Variants in MACROD2 observed in about 807,000 individuals in gnomAD.
MACROD2 encodes mono-ADP ribosylhydrolase 2, also known as ADP-ribose glycohydrolase MACROD2.
In MACROD2, 36 loss-of-function variants were observed where a neutral mutation model predicts 70.4. The observed-to-expected ratio is 0.51, with a 90% CI of 0.39 to 0.68. MACROD2 has a LOEUF of 0.68. Ranked by LOEUF, MACROD2 falls within the 30% of genes least tolerant of loss-of-function variation. The probability of loss-of-function intolerance (pLI) is 0.00; values close to 1 mark genes in which losing one functional copy is unlikely to be tolerated. For synonymous variants in MACROD2, 172 were observed against 178.8 expected (o/e 0.96, Z 0.30); for missense variants, 496 against 538.4 (o/e 0.92, Z 0.78).
chr20:14,664,426 A>G (rs2070714507), intron 4 of MACROD2, among the ~76,000 whole-genome samples: 1 of 152,186 alleles, frequency 6.6e-6, no homozygotes, highest in South Asian at 2.1e-4. Flanking sequence ...TTTGAAAGAG[A>G]AAGTCATCTT....
At chr20:15,416,954 T>C (rs2046160808) in intron 6 of MACROD2, among the ~76,000 whole-genome samples, 1 of 151,978 alleles carries the variant, frequency 6.6e-6, no homozygotes, top group African/African-American at 2.4e-5. Context: ...TCTTCATTTA[T>C]GTAATGATTT....
rs575596059 is a variant in MACROD2, at chr20:15,091,859, T to C, written c.419-138081T>C. Among the ~76,000 whole-genome samples, 4 of 152,328 alleles carry C rather than the reference T, an allele frequency of 2.6e-5. No individual in the cohort carries two copies. The East Asian group carries it at 7.7e-4, about 29-fold the overall frequency. On this transcript the variant is annotated intron_variant, in intron 5 of 17. Transcript: ENST00000684519. ...TATCTGGCAATGCATTATTCACTAG[T>C]ACTATACACAGTGCTTTATTAAGTC...
At chr20:14,279,643 G>A (rs1341535057) in intron 3 of MACROD2, among the ~76,000 whole-genome samples, 2 of 152,142 alleles carry the variant, frequency 1.3e-5, no homozygotes, top group East Asian at 3.9e-4. Context: ...AAGAGACAGG[G>A]GCAGGATTTG....
chr20:15,405,774 G>A (rs1287604185), intron 6 of MACROD2, among the ~76,000 whole-genome samples: 1 of 152,114 alleles, frequency 6.6e-6, no homozygotes, highest in Non-Finnish European at 1.5e-5. Flanking sequence ...CCATTCTCTT[G>A]CTCTCTTGAA....
chr20:14,559,377 T>G (rs2123286277), intron 4 of MACROD2, among the ~76,000 whole-genome samples: 1 of 151,854 alleles, frequency 6.6e-6, no homozygotes, highest in South Asian at 2.1e-4. Context: ...ATCTAGCAGT[T>G]TTAATACCTT....
chr20:15,355,569 G>A (rs2078277122), intron 6 of MACROD2, among the ~76,000 whole-genome samples: 1 of 152,114 alleles, frequency 6.6e-6, no homozygotes, highest in Non-Finnish European at 1.5e-5. Context: ...TAAATAATTG[G>A]CCACATGATT....
chr20:14,525,002 AT>A (rs1369928283), intron 4 of MACROD2, among the ~76,000 whole-genome samples: 1 of 152,056 alleles, frequency 6.6e-6, no homozygotes, highest in Non-Finnish European at 1.5e-5. Flanking sequence ...CCATTTTCTT[AT>A]CTTTATGTTG....
chr20:14,071,447 A>T (rs1271931353), intron 2 of MACROD2, among the ~76,000 whole-genome samples: 1 of 151,490 alleles, frequency 6.6e-6, no homozygotes, highest in East Asian at 2.0e-4. Flanking sequence ...TTTTTAGTAG[A>T]GACAGGGTTT....
chr20:15,950,997 A>G (rs933980525), intron 12 of MACROD2, among the ~76,000 whole-genome samples: 1 of 152,132 alleles, frequency 6.6e-6, no homozygotes, highest in African/African-American at 2.4e-5. Flanking sequence ...TTGGGAAACC[A>G]TTCCACATCC....
intron 5 of MACROD2, among the ~76,000 whole-genome samples, chr20:15,009,019 C>T (rs1466158663): frequency 2.0e-5 from 3 of 151,992 alleles, no homozygotes; most frequent in Non-Finnish European, 2.9e-5. Context: ...AACAGGAGAA[C>T]CTGTGAGGTT....
chr20:15,375,150 T>G (rs917815159), intron 6 of MACROD2, among the ~76,000 whole-genome samples: 1 of 152,184 alleles, frequency 6.6e-6, no homozygotes, highest in Non-Finnish European at 1.5e-5. Flanking sequence ...ACCAAATTAT[T>G]TAACTCAGAA....
intron 5 of MACROD2, among the ~76,000 whole-genome samples, chr20:14,758,663 T>C (rs1290363303): frequency 6.6e-6 from 1 of 152,154 alleles, no homozygotes; most frequent in African/African-American, 2.4e-5. Flanking sequence ...AGCTAGGCTT[T>C]AGTGTGCTGC....
intron 8 of MACROD2, among the ~76,000 whole-genome samples, chr20:15,741,731 C>T (rs2051109420): frequency 6.6e-6 from 1 of 152,138 alleles, no homozygotes; most frequent in East Asian, 1.9e-4. Context: ...CACCCTCACA[C>T]ACAAGATATC....
intron 6 of MACROD2, among the ~76,000 whole-genome samples, chr20:15,345,156 G>A (rs1056889162): frequency 4.6e-5 from 7 of 152,160 alleles, no homozygotes; most frequent in Admixed American, 6.6e-5. Flanking sequence ...GATTACCGCC[G>A]AAAGGGCCCG....
intron 3 of MACROD2, among the ~76,000 whole-genome samples, chr20:14,333,042 A>G (rs1291534737): frequency 6.6e-6 from 1 of 151,938 alleles, no homozygotes; most frequent in African/African-American, 2.4e-5. Flanking sequence ...TGATCATCAG[A>G]TTTCAGGAAA....
chr20:15,777,676 A>C, intron 8 of MACROD2, among the ~76,000 whole-genome samples: 1 of 139,962 alleles, frequency 7.1e-6, no homozygotes, highest in Non-Finnish European at 1.5e-5. Context: ...ACAGAGTCTC[A>C]CTCTGTTGCC....
In MACROD2 at chr20:14,752,255, C is replaced by G. The variant is rs182529000; in HGVS notation, c.418+67296C>G. 4.9e-3 allele frequency among the ~76,000 whole-genome samples: 744 copies of G among 151,996 alleles called. 10 individuals carry two copies. The highest frequency in any genetic ancestry group is 0.017 in the African/African-American group (687 of 41,394). On this transcript the variant is annotated intron_variant, in intron 5 of 17. Transcript: ENST00000684519. ...TTTCTTCCAAGATGTTTCAAAGACA[C>G]CTCAGACTCAACTTAAGCCTAAATT...
chr20:15,624,349 C>T (rs1048592854), intron 8 of MACROD2, among the ~76,000 whole-genome samples: 3 of 152,196 alleles, frequency 2.0e-5, no homozygotes, highest in African/African-American at 4.8e-5. Context: ...TTAAACTCCT[C>T]TAGCAACACC....
At chr20:14,944,397 C>G (rs948967580) in intron 5 of MACROD2, among the ~76,000 whole-genome samples, 4 of 152,134 alleles carry the variant, frequency 2.6e-5, no homozygotes, top group African/African-American at 9.7e-5. Flanking sequence ...TGAAATTGTT[C>G]AAATGCTTTC....
Sources: gnomAD v4.1 joint callset for allele counts (sites outside exome capture counted in the v4.1 genomes callset) on GRCh38, gnomAD v4.1.1 for gene constraint, MANE v1.5 for transcripts, NCBI Gene and HGNC (gene_info 2026-07-23, HGNC 2026-07-21) for gene names.